The following TLN2 variants were observed in gnomAD, a reference collection of about 807,000 sequenced individuals.
The protein encoded by TLN2 is talin 2.
TLN2 carries 118 observed loss-of-function variants against 294.7 expected under a neutral mutation model. That is an observed-to-expected ratio of 0.40 (90% CI 0.34 to 0.47). The LOEUF is 0.47. Among genes scored for constraint, TLN2 ranks in the 20% least tolerant of loss-of-function variants. The pLI, the probability that TLN2 is intolerant of heterozygous loss-of-function variation, is 0.84. For missense variants in TLN2, 3,083 were observed against 3,282.2 expected, an observed-to-expected ratio of 0.94 and a Z score of 1.48; for synonymous variants, 1,431 against 1,304.5, an observed-to-expected ratio of 1.10 and a Z score of -2.09.
rs3055781 is a variant in TLN2 at position 62,677,806 on chromosome 15, C to CT, written c.957+2500dup. ...TTAAGAAAGTAGGCAGCACTTGCAA[C>CT]TTTTTTTTTTTTTTTGAGACGGAGA... On this transcript the variant is annotated intron_variant, in intron 11 of 58. Transcript: ENST00000636159. 2.8e-4 allele frequency among the ~76,000 whole-genome samples: 21 copies of CT among 75,272 alleles called. 1 individual carries two copies. The highest frequency in any genetic ancestry group is 8.5e-4 in the African/African-American group (18 of 21,184). 49.4% of individuals were successfully genotyped at this position (75,272 alleles called of 152,430 possible). A position where few individuals can be genotyped will look rare whatever the true frequency, so the allele number is the denominator to read the frequency against.
At chr15:62,647,191 A>G in intron 3 of TLN2, 84 bp from the exon 4 acceptor site, 1 of 1,296,436 alleles carries the variant, frequency 7.7e-7, no homozygotes, top group Non-Finnish European at 1.1e-6. Context: ...AGTTGATTTT[A>G]AAGTCCAGCA....
intron 9 of TLN2, among the ~76,000 whole-genome samples, chr15:62,666,180 G>C (rs1344065034): frequency 6.6e-6 from 1 of 152,166 alleles, no homozygotes; most frequent in Non-Finnish European, 1.5e-5. Flanking sequence ...CAGAACTGCT[G>C]TGTGACCAAG....
At chr15:62,469,096 C>T (rs1280167413) in intron 1 of TLN2, among the ~76,000 whole-genome samples, 4 of 152,246 alleles carry the variant, frequency 2.6e-5, no homozygotes, top group South Asian at 2.1e-4. Context: ...CTTTTCTTGG[C>T]GTGTAATTGA....
intron 1 of TLN2, among the ~76,000 whole-genome samples, chr15:62,582,970 A>C (rs2140701819): frequency 6.6e-6 from 1 of 152,334 alleles, no homozygotes; most frequent in East Asian, 1.9e-4. Context: ...ACCAAGGAAG[A>C]GTTAGACACT....
intron 2 of TLN2, among the ~76,000 whole-genome samples, chr15:62,595,375 G>C (rs28874347): frequency 1.4e-5 from 2 of 145,102 alleles, no homozygotes; most frequent in East Asian, 4.1e-4. Flanking sequence ...AGCTGAGATC[G>C]TGCCATTGCA....
intron 45 of TLN2, 122 bp from the exon 46 acceptor site, chr15:62,792,519 T>A: frequency 7.5e-7 from 1 of 1,327,536 alleles, no homozygotes; most frequent in Non-Finnish European, 1.0e-6. Context: ...AGACTCCTAA[T>A]AGGAGTGGAA....
intron 1 of TLN2, among the ~76,000 whole-genome samples, chr15:62,511,846 C>G (rs546089184): frequency 1.3e-5 from 2 of 152,212 alleles, no homozygotes; most frequent in South Asian, 2.1e-4. Context: ...TTAGTTAAAA[C>G]AAAAATCGGT....
intron 1 of TLN2, among the ~76,000 whole-genome samples, chr15:62,420,895 T>C (rs1318785735): frequency 1.3e-5 from 2 of 152,154 alleles, no homozygotes; most frequent in East Asian, 3.9e-4. Context: ...GGGTAATCAC[T>C]CCAGCACCTG....
intron 1 of TLN2, among the ~76,000 whole-genome samples, chr15:62,499,853 T>C (rs984850410): frequency 2.6e-5 from 4 of 152,174 alleles, no homozygotes; most frequent in Non-Finnish European, 4.4e-5. Context: ...TCTGCCCGCC[T>C]GGACTTCCCA....
rs979918375 is a variant in TLN2 at position 62,635,501 on chromosome 15, A to G, written c.-36-11774A>G. Among the ~76,000 whole-genome samples the G allele has an allele frequency of 2.0e-5, 3 of 152,342 alleles. No homozygotes were observed. The South Asian group carries it at 6.2e-4, about 32-fold the overall frequency. Reference sequence around the variant, plus strand: ...GGGAAAACTTAGGATATAGAATTATATAGAGCATATCATCTCAACTACATA... The same window carrying G: ...GGGAAAACTTAGGATATAGAATTATGTAGAGCATATCATCTCAACTACATA... On this transcript the variant is annotated intron_variant, in intron 3 of 58. Coordinates refer to ENST00000636159, the MANE Select transcript of TLN2 (RefSeq NM_015059.3).
At chr15:62,623,669 T>C (rs1351676597) in intron 3 of TLN2, among the ~76,000 whole-genome samples, 1 of 152,218 alleles carries the variant, frequency 6.6e-6, no homozygotes, top group East Asian at 1.9e-4. Flanking sequence ...ACTCAAAACA[T>C]ACATTTCCTT....
chr15:62,574,960 A>AT, intron 1 of TLN2, among the ~76,000 whole-genome samples: 1 of 152,154 alleles, frequency 6.6e-6, no homozygotes, highest in Non-Finnish European at 1.5e-5. Context: ...TGCCAAAAAA[A>AT]ATGGAGATTC....
At chr15:62,702,971 C>A in intron 19 of TLN2, 107 bp downstream of exon 19, 1 of 1,016,042 alleles carries the variant, frequency 9.8e-7, no homozygotes, top group Non-Finnish European at 1.5e-6. Flanking sequence ...TTGAGATAGT[C>A]AAGAATGCGA....
chr15:62,573,458 C>T lies in TLN2; in HGVS notation c.-237-16229C>T, dbSNP rs538804414. Among the ~76,000 whole-genome samples the T allele has an allele frequency of 3.3e-5, 5 of 152,260 alleles. No homozygotes were observed. The South Asian group carries it at 1.0e-3, about 32-fold the overall frequency. ...CCTGCATTCATCCTTCTAGGGGCCCCAGTGAGCACACAGGTTCTTCAGGAA... is the reference window on the plus strand; with the variant it reads ...CCTGCATTCATCCTTCTAGGGGCCCTAGTGAGCACACAGGTTCTTCAGGAA... On this transcript the variant is annotated intron_variant, in intron 1 of 58. Coordinates refer to ENST00000636159, the MANE Select transcript of TLN2 (RefSeq NM_015059.3).
At chr15:62,506,786 G>A (rs529939267) in intron 1 of TLN2, among the ~76,000 whole-genome samples, 7 of 152,214 alleles carry the variant, frequency 4.6e-5, no homozygotes, top group Non-Finnish European at 8.8e-5. Flanking sequence ...TTGTTGTAGA[G>A]CAGGAAACTA....
intron 1 of TLN2, among the ~76,000 whole-genome samples, chr15:62,440,017 C>T (rs2035473693): frequency 6.6e-6 from 1 of 152,146 alleles, no homozygotes; most frequent in Non-Finnish European, 1.5e-5. Flanking sequence ...TTAGACAGGG[C>T]AGGATAACCT....
intron 41 of TLN2, 100 bp from the exon 42 acceptor site, chr15:62,770,864 G>T: frequency 2.1e-6 from 3 of 1,430,154 alleles, no homozygotes; most frequent in Non-Finnish European, 2.8e-6. Context: ...CTGTGAGTCA[G>T]CCCAGTCCTG....
At chr15:62,433,704 C>T (rs988535719) in intron 1 of TLN2, among the ~76,000 whole-genome samples, 6 of 152,110 alleles carry the variant, frequency 3.9e-5, no homozygotes, top group Non-Finnish European at 7.3e-5. Context: ...TCATACCTGC[C>T]TCAGTTATTT....
At chr15:62,413,618 A>C (rs953395510) in intron 1 of TLN2, among the ~76,000 whole-genome samples, 1 of 152,192 alleles carries the variant, frequency 6.6e-6, no homozygotes, top group African/African-American at 2.4e-5. Context: ...TCATGGCGTG[A>C]ATTTATATGC....
Sources: allele counts gnomAD v4.1 joint callset (sites outside exome capture counted in the v4.1 genomes callset), GRCh38; gene constraint gnomAD v4.1.1; transcripts MANE v1.5; gene names NCBI Gene and HGNC (gene_info 2026-07-23, HGNC 2026-07-21).